RBX1: variants seen among roughly 807,000 people sequenced by gnomAD.
RBX1 encodes E3 ubiquitin-protein ligase RBX1.
For synonymous variants in RBX1, 48 were observed against 47.9 expected (o/e 1.00, Z -0.01); for missense variants, 46 against 141.4 (o/e 0.33, Z 3.42).
At chr22:40,970,909 G>A (rs1302956173) in intron 4 of RBX1, among the ~76,000 whole-genome samples, 1 of 152,152 alleles carries the variant, frequency 6.6e-6, no homozygotes, top group Admixed American at 6.6e-5. Flanking sequence ...TATCTGAGTG[G>A]TACTGTTGGG....
chr22:40,972,190 C>A (rs911522929), intron 4 of RBX1, among the ~76,000 whole-genome samples: 6 of 152,180 alleles, frequency 3.9e-5, no homozygotes, highest in African/African-American at 1.4e-4. Flanking sequence ...CCTCTCACCT[C>A]CCTAATACCA....
intron 3 of RBX1, chr22:40,967,559 C>A (rs1388158085): frequency 4.9e-6 from 2 of 408,240 alleles, no homozygotes; most frequent in Non-Finnish European, 9.0e-6. Flanking sequence ...CTGGCACATA[C>A]TCCTGTGCTT....
chr22:40,968,833 C>T (rs1030020895), intron 4 of RBX1, among the ~76,000 whole-genome samples: 1 of 147,502 alleles, frequency 6.8e-6, no homozygotes, highest in Non-Finnish European at 1.5e-5. Flanking sequence ...AGTGAGTATC[C>T]TATACAGTAA....
chr22:40,951,425 C>G lies in RBX1; in HGVS notation c.27C>G (p.Thr9=). ...TGGCGGCAGCGATGGATGTGGATAC[C>G]CCGAGCGGCACCAACAGCGGCGCGG... MAAAMDVD[T]PSGTNSGAGK... The change falls in exon 1 of 5, where the codon ACC becomes ACG. Residue 9 remains threonine, a synonymous_variant. Transcript: ENST00000216225. 1.2e-6 allele frequency: 2 copies of G among 1,613,560 alleles called. No individual in the cohort carries two copies. Among genetic ancestry groups the G allele is most frequent in the Non-Finnish European group, 1.7e-6 (2 of 1,179,808 alleles).
At chr22:40,969,242 G>GT (rs1227133574) in intron 4 of RBX1, among the ~76,000 whole-genome samples, 1 of 152,122 alleles carries the variant, frequency 6.6e-6, no homozygotes, top group Non-Finnish European at 1.5e-5. Context: ...AACCCAGGAG[G>GT]CGGAGATTGT....
intron 4 of RBX1, among the ~76,000 whole-genome samples, chr22:40,969,059 A>G (rs1253396513): frequency 6.6e-6 from 1 of 152,086 alleles, no homozygotes; most frequent in Non-Finnish European, 1.5e-5. Flanking sequence ...CACGCCTGTA[A>G]TCCCAGCACT....
chr22:40,953,513 G>A (rs761134029), intron 1 of RBX1, 42 bp from the exon 2 acceptor site: 12 of 1,301,818 alleles, frequency 9.2e-6, no homozygotes, highest in African/African-American at 1.5e-5. Context: ...ATGTGTGTGT[G>A]TTACAAGCAG....
At chr22:40,963,368 G>A (rs1459916934) in intron 2 of RBX1, among the ~76,000 whole-genome samples, 3 of 151,884 alleles carry the variant, frequency 2.0e-5, no homozygotes, top group African/African-American at 7.3e-5. Context: ...AGGTGCGGTG[G>A]CTCATGCCTG....
rs1601535650 is a variant in RBX1 at position 40,958,329 on chromosome 22, A to G, written c.157+4696A>G. Among the ~76,000 whole-genome samples, 5 of 152,080 alleles carry G rather than the reference A, an allele frequency of 3.3e-5. No individual in the cohort carries two copies. In the South Asian group the frequency reaches 1.0e-3, roughly 31 times the overall value. Reference sequence around the variant, plus strand: ...ACTTAAAAAAAAAAAAAGGATTTATATGGGAAAAGAACTTAGCAAGTAAAG... The same window carrying G: ...ACTTAAAAAAAAAAAAAGGATTTATGTGGGAAAAGAACTTAGCAAGTAAAG... On this transcript the variant is annotated intron_variant, in intron 2 of 4. Coordinates refer to ENST00000216225, the MANE Select transcript of RBX1 (RefSeq NM_014248.4).
At chr22:40,961,787 C>CTGTGTGTG (rs139232745) in intron 2 of RBX1, among the ~76,000 whole-genome samples, 3 of 149,240 alleles carry the variant, frequency 2.0e-5, no homozygotes, top group African/African-American at 7.4e-5. Flanking sequence ...TTTGCTTTCT[C>CTGTGTGTG]TGTGTGTGTG....
In RBX1 at chr22:40,966,889, C is replaced by G. The variant is rs533937682; in HGVS notation, c.229-910C>G. The G allele has an allele frequency of 5.9e-5, 9 of 152,276 alleles. No homozygotes were observed. The East Asian group carries it at 1.7e-3, about 29-fold the overall frequency. The allele number at this position is 152,276 out of a possible 1,614,324, so 9.4% of individuals were successfully genotyped here. A position where few individuals can be genotyped will look rare whatever the true frequency, so the allele number is the denominator to read the frequency against. On this transcript the variant is annotated intron_variant, in intron 3 of 4. Coordinates refer to ENST00000216225, the MANE Select transcript of RBX1 (RefSeq NM_014248.4). ...GCGTCTGTCCTAATACGCACATGAG[C>G]AGGGGGAGAAGTGCTCATTGCAGAA...
At chr22:40,955,253 C>G (rs992100934) in intron 2 of RBX1, among the ~76,000 whole-genome samples, 1 of 149,178 alleles carries the variant, frequency 6.7e-6, no homozygotes, top group Non-Finnish European at 1.5e-5. Context: ...TTTAAATTTT[C>G]TTTTTCCTTT....
At chr22:40,961,523 C>T (rs1392138945) in intron 2 of RBX1, among the ~76,000 whole-genome samples, 2 of 152,022 alleles carry the variant, frequency 1.3e-5, no homozygotes, top group East Asian at 3.9e-4. Context: ...ACACCATTCT[C>T]CTGCCTCAGC....
rs1223934332 is a variant in RBX1 at position 40,951,395 on chromosome 22, C to T, written c.-4C>T. The T allele has an allele frequency of 1.9e-6, 3 of 1,612,408 alleles. No individual in the cohort carries two copies. The South Asian group carries it at 3.3e-5, about 18-fold the overall frequency. ...GGTCGGACGACAGACCGTGTGTTTC[C>T]AAAATGGCGGCAGCGATGGATGTGG... On this transcript the variant is annotated 5_prime_UTR_variant, in exon 1 of 5. Coordinates refer to ENST00000216225, the MANE Select transcript of RBX1 (RefSeq NM_014248.4).
chr22:40,965,892 CAT>C (rs1464804376), intron 3 of RBX1, among the ~76,000 whole-genome samples: 1 of 152,164 alleles, frequency 6.6e-6, no homozygotes, highest in Non-Finnish European at 1.5e-5. Context: ...GGCATACAGA[CAT>C]ATACTAAGAA....
intron 2 of RBX1, among the ~76,000 whole-genome samples, chr22:40,959,788 G>T (rs1257556642): frequency 1.3e-5 from 2 of 151,960 alleles, no homozygotes; most frequent in African/African-American, 4.8e-5. Context: ...TCCGGCCTGG[G>T]GGGACAAAGC....
chr22:40,955,666 A>C (rs1776892772), intron 2 of RBX1, among the ~76,000 whole-genome samples: 1 of 152,226 alleles, frequency 6.6e-6, no homozygotes, highest in African/African-American at 2.4e-5. Context: ...GTGCAATGTA[A>C]GACTAACCCA....
At position 40,956,220 on chromosome 22, in the gene RBX1, G is replaced by A. The variant is rs5995970; in HGVS notation, c.157+2587G>A. On this transcript the variant is annotated intron_variant, in intron 2 of 4. Coordinates refer to ENST00000216225, the MANE Select transcript of RBX1 (RefSeq NM_014248.4). Reference sequence around the variant, plus strand: ...ATATTAGGCTTTCAGTGGGATACCTGTTTTGTTTCATAATATATTTTGAAT... The same window carrying A: ...ATATTAGGCTTTCAGTGGGATACCTATTTTGTTTCATAATATATTTTGAAT... 1.5e-3 allele frequency among the ~76,000 whole-genome samples: 232 copies of A among 152,044 alleles called. 4 individuals carry two copies. Among genetic ancestry groups the A allele is most frequent in the African/African-American group, 5.3e-3 (218 of 41,492 alleles).
chr22:40,956,337 T>C (rs1190874627), intron 2 of RBX1, among the ~76,000 whole-genome samples: 1 of 151,966 alleles, frequency 6.6e-6, no homozygotes, highest in Non-Finnish European at 1.5e-5. Context: ...GAATATATCC[T>C]GAGCATCCTG....
Sources: allele counts gnomAD v4.1 joint callset (sites outside exome capture counted in the v4.1 genomes callset), GRCh38; gene constraint gnomAD v4.1.1; transcripts MANE v1.5; gene names NCBI Gene and HGNC (gene_info 2026-07-23, HGNC 2026-07-21).